The following AKAP13 variants were observed in gnomAD, a reference collection of about 807,000 sequenced individuals.
AKAP13 encodes the protein A-kinase anchor protein 13.
A neutral mutation model predicts 264.5 loss-of-function variants in AKAP13; 80 were observed. That is an observed-to-expected ratio of 0.30 (90% CI 0.25 to 0.36). The LOEUF is 0.36. Ranked by LOEUF, AKAP13 falls within the 10% of genes least tolerant of loss-of-function variation. The pLI is 1.00. For missense variants in AKAP13, 3,712 were observed against 3,435.2 expected (o/e 1.08, Z -2.01); for synonymous variants, 1,380 against 1,250.2 (o/e 1.10, Z -2.19).
At chr15:85,595,205 T>TACTCCCA (rs1399286464) in intron 8 of AKAP13, among the ~76,000 whole-genome samples, 1 of 152,092 alleles carries the variant, frequency 6.6e-6, no homozygotes, top group African/African-American at 2.4e-5. Flanking sequence ...GCTCAAGTGA[T>TACTCCCA]ACTCCCACCT....
intron 14 of AKAP13, among the ~76,000 whole-genome samples, chr15:85,674,978 G>T (rs1485727617): frequency 6.6e-6 from 1 of 151,902 alleles, no homozygotes; most frequent in Non-Finnish European, 1.5e-5. Flanking sequence ...TTGTAAGACT[G>T]GAAAACATGC....
intron 9 of AKAP13, among the ~76,000 whole-genome samples, chr15:85,641,114 A>G (rs1287417389): frequency 5.3e-5 from 8 of 152,006 alleles, no homozygotes; most frequent in African/African-American, 1.5e-4. Flanking sequence ...TACTTTATAC[A>G]CACTTCCTCA....
chr15:85,702,528 G>T (rs2085991595), intron 17 of AKAP13: 1 of 152,238 alleles, frequency 6.6e-6, no homozygotes, highest in East Asian at 1.9e-4. Flanking sequence ...CATGCAGTTA[G>T]TCGTTTACCT....
intron 1 of AKAP13, among the ~76,000 whole-genome samples, chr15:85,456,021 T>C (rs2074268799): frequency 6.6e-6 from 1 of 152,234 alleles, no homozygotes; most frequent in South Asian, 2.1e-4. Flanking sequence ...AGCACTCTTT[T>C]ATATACTTTC....
At position 85,726,426 on chromosome 15, in the gene AKAP13, T is replaced by C. The variant is rs2087619766; in HGVS notation, c.6762T>C (p.Leu2254=). The C allele has an allele frequency of 6.2e-7, 1 of 1,613,760 alleles. No homozygotes were observed. The highest frequency in any genetic ancestry group is 1.7e-5 in the Admixed American group (1 of 59,988). Reference sequence around the variant, plus strand: ...ATTTTCCAGAGGTTCAAGCAGTTCTTCTCACTGACATTTTAGTTTTCCTTC... The same window carrying C: ...ATTTTCCAGAGGTTCAAGCAGTTCTCCTCACTGACATTTTAGTTTTCCTTC... ...AGRLKEVQAV[L]LTDILVFLQE... Residue 2254 remains leucine (L), a synonymous_variant, in exon 27 of 37, where the codon CTT becomes CTC. Coordinates refer to ENST00000394518, the MANE Select transcript of AKAP13 (RefSeq NM_007200.5).
At chr15:85,454,570 G>A (rs1158952058) in intron 1 of AKAP13, among the ~76,000 whole-genome samples, 1 of 151,996 alleles carries the variant, frequency 6.6e-6, no homozygotes, top group African/African-American at 2.4e-5. Flanking sequence ...CACCCTTTCT[G>A]TTCCTCTCTG....
rs76873955 is a variant in AKAP13, at chr15:85,413,230, T to C, written c.-12+32432T>C. Among the ~76,000 whole-genome samples, 99 of 152,360 alleles carry C rather than the reference T, an allele frequency of 6.5e-4. No homozygotes were observed. In the East Asian group the frequency reaches 0.018, roughly 28 times the overall value. On this transcript the variant is annotated intron_variant, in intron 1 of 36. Coordinates refer to ENST00000394518, the MANE Select transcript of AKAP13 (RefSeq NM_007200.5). Reference sequence around the variant, plus strand: ...TCTTTTTATCCCAGGTCACGTAGTCTTGTACTGTTTTGTGGAGCTGGATCT... The same window carrying C: ...TCTTTTTATCCCAGGTCACGTAGTCCTGTACTGTTTTGTGGAGCTGGATCT...
At position 85,747,529 on chromosome 15, in the gene AKAP13, C is replaced by T. The variant is rs937668482; in HGVS notation, c.*2852C>T. On this transcript the variant is annotated 3_prime_UTR_variant, in exon 37 of 37. Coordinates refer to ENST00000394518, the MANE Select transcript of AKAP13 (RefSeq NM_007200.5). ...AAAGATGGAGTTCCTATCCAGAGCC[C>T]CCAGATTTCCAGAATCGAGTGAGCT... 5 of 152,604 alleles carry T rather than the reference C, an allele frequency of 3.3e-5. No individual in the cohort carries two copies. The highest frequency in any genetic ancestry group is 9.7e-5 in the African/African-American group (4 of 41,438). The allele number at this position is 152,604 out of a possible 1,614,324, so 9.5% of individuals were successfully genotyped here.
In AKAP13 at chr15:85,660,419, C is replaced by G. The variant is rs182130830; in HGVS notation, c.4799+1829C>G. Among the ~76,000 whole-genome samples, 300 of 143,178 alleles carry G rather than the reference C, an allele frequency of 2.1e-3. 8 individuals carry two copies. The highest frequency in any genetic ancestry group is 0.016 in the Admixed American group (230 of 14,424). The allele number at this position is 143,178 out of a possible 152,430, so 93.9% of individuals were successfully genotyped here. A position where few individuals can be genotyped will look rare whatever the true frequency, so the allele number is the denominator to read the frequency against. Reference sequence around the variant, plus strand: ...CTTCCTATCTCCCTATTGTTTTTCACTCTCTTCGTGTTAAATCTCCTCACA... The same window carrying G: ...CTTCCTATCTCCCTATTGTTTTTCAGTCTCTTCGTGTTAAATCTCCTCACA... On this transcript the variant is annotated intron_variant, in intron 12 of 36. Coordinates refer to ENST00000394518, the MANE Select transcript of AKAP13 (RefSeq NM_007200.5).
intron 17 of AKAP13, among the ~76,000 whole-genome samples, chr15:85,698,204 A>G (rs946123958): frequency 2.0e-5 from 3 of 152,164 alleles, no homozygotes; most frequent in African/African-American, 4.8e-5. Context: ...ACGGTGCCTC[A>G]TGCCTGTAAT....
At chr15:85,439,594 G>T (rs1325227348) in intron 1 of AKAP13, among the ~76,000 whole-genome samples, 4 of 144,204 alleles carry the variant, frequency 2.8e-5, no homozygotes, top group African/African-American at 1.0e-4. Context: ...TGATAGACTG[G>T]ATTAAGAAAA....
intron 1 of AKAP13, among the ~76,000 whole-genome samples, chr15:85,434,471 A>G (rs2073177123): frequency 1.3e-5 from 2 of 152,198 alleles, no homozygotes; most frequent in African/African-American, 2.4e-5. Flanking sequence ...AGCCCACCAC[A>G]GCTCAAGAAG....
intron 1 of AKAP13, among the ~76,000 whole-genome samples, chr15:85,445,443 A>G (rs193102148): frequency 6.6e-6 from 1 of 152,336 alleles, no homozygotes; most frequent in African/African-American, 2.4e-5. Flanking sequence ...TTTTGTAATC[A>G]TTGATGCATA....
chr15:85,415,266 G>T (rs1243220610), intron 1 of AKAP13: 4 of 1,579,226 alleles, frequency 2.5e-6, no homozygotes, highest in Non-Finnish European at 2.6e-6. Context: ...ATGGCGCCTG[G>T]TGGACAGCAG....
intron 5 of AKAP13, among the ~76,000 whole-genome samples, chr15:85,564,151 A>C (rs1258951269): frequency 6.6e-6 from 1 of 152,178 alleles, no homozygotes; most frequent in Admixed American, 6.5e-5. Flanking sequence ...TTTCTTCCCT[A>C]CCTTTAGTAA....
intron 1 of AKAP13, among the ~76,000 whole-genome samples, chr15:85,392,468 T>G (rs1485854985): frequency 2.6e-5 from 4 of 152,096 alleles, no homozygotes; most frequent in African/African-American, 9.7e-5. Flanking sequence ...TTGGCCAGTA[T>G]GGTCTTGATC....
chr15:85,605,685 A>G (rs1422661382), intron 8 of AKAP13, among the ~76,000 whole-genome samples: 1 of 152,216 alleles, frequency 6.6e-6, no homozygotes, highest in Non-Finnish European at 1.5e-5. Flanking sequence ...ATAATTGTGA[A>G]CAAATAATAT....
At chr15:85,505,456 C>T (rs900664957) in intron 2 of AKAP13, among the ~76,000 whole-genome samples, 1 of 152,160 alleles carries the variant, frequency 6.6e-6, no homozygotes, top group Non-Finnish European at 1.5e-5. Context: ...CAGGAGAATA[C>T]ACACAACCTG....
At chr15:85,709,579 G>C (rs1390342832) in intron 18 of AKAP13, among the ~76,000 whole-genome samples, 1 of 152,078 alleles carries the variant, frequency 6.6e-6, no homozygotes, top group Non-Finnish European at 1.5e-5. Context: ...CTCAATTGTT[G>C]TGAATGTACT....
Sources: gnomAD v4.1 joint callset for allele counts (sites outside exome capture counted in the v4.1 genomes callset) on GRCh38, gnomAD v4.1.1 for gene constraint, MANE v1.5 for transcripts, NCBI Gene and HGNC (gene_info 2026-07-23, HGNC 2026-07-21) for gene names.